The following CPNE8 variants were observed in gnomAD, a reference collection of about 807,000 sequenced individuals.
CPNE8 encodes copine-8.
Under a neutral mutation model 81.5 loss-of-function variants are expected in CPNE8, and 45 were observed. The ratio of observed to expected loss-of-function variants is 0.55; its 90% CI spans 0.44 to 0.71. CPNE8 has a LOEUF of 0.71. Ranked by LOEUF, CPNE8 falls within the 30% of genes least tolerant of loss-of-function variation. CPNE8 has a pLI of 0.00. For synonymous variants in CPNE8, 252 were observed against 226.3 expected, an observed-to-expected ratio of 1.11 and a Z score of -1.02; for missense variants, 594 against 672.1, an observed-to-expected ratio of 0.88 and a Z score of 1.28.
At chr12:38,699,578 C>T (rs572924537) in intron 14 of CPNE8, among the ~76,000 whole-genome samples, 2 of 150,904 alleles carry the variant, frequency 1.3e-5, no homozygotes, top group Non-Finnish European at 1.5e-5. Context: ...TCCTTCTTTC[C>T]TTCCTTCCTT....
At chr12:38,788,156 C>CA (rs1414497492) in intron 6 of CPNE8, among the ~76,000 whole-genome samples, 3 of 151,324 alleles carry the variant, frequency 2.0e-5, no homozygotes, top group East Asian at 3.9e-4. Flanking sequence ...AAAGACACAT[C>CA]AAAAAAAGAA....
At chr12:38,800,063 G>GGCA (rs1366154296) in intron 6 of CPNE8, among the ~76,000 whole-genome samples, 1 of 127,478 alleles carries the variant, frequency 7.8e-6, no homozygotes, top group Admixed American at 8.5e-5. Context: ...ACTGCAAGGC[G>GGCA]GCAACGAGGC....
intron 6 of CPNE8, among the ~76,000 whole-genome samples, chr12:38,777,795 C>A (rs1941966461): frequency 6.6e-6 from 1 of 152,174 alleles, no homozygotes; most frequent in Admixed American, 6.5e-5. Flanking sequence ...AACCCCAGGG[C>A]TGCAGAGCAC....
intron 1 of CPNE8, among the ~76,000 whole-genome samples, chr12:38,896,253 A>G (rs773238730): frequency 1.3e-5 from 2 of 152,108 alleles, no homozygotes; most frequent in African/African-American, 2.4e-5. Context: ...TTCCCTCAGA[A>G]GGTCTGCAAC....
At chr12:38,815,567 T>C (rs1943010975) in intron 6 of CPNE8, among the ~76,000 whole-genome samples, 1 of 152,202 alleles carries the variant, frequency 6.6e-6, no homozygotes, top group African/African-American at 2.4e-5. Flanking sequence ...TAACAACATG[T>C]CATTTCTAAG....
At chr12:38,871,745 G>T (rs774303941) in intron 3 of CPNE8, among the ~76,000 whole-genome samples, 2 of 152,126 alleles carry the variant, frequency 1.3e-5, no homozygotes, top group Non-Finnish European at 2.9e-5. Context: ...TATTTTGGCT[G>T]GTAGTTTTAG....
At chr12:38,805,449 G>T (rs1942772860) in intron 6 of CPNE8, among the ~76,000 whole-genome samples, 1 of 85,804 alleles carries the variant, frequency 1.2e-5, no homozygotes, top group Non-Finnish European at 2.4e-5. Flanking sequence ...CTCATAGGTG[G>T]GAATTGAACA....
At chr12:38,846,920 T>G (rs1400957494) in intron 4 of CPNE8, among the ~76,000 whole-genome samples, 1 of 152,112 alleles carries the variant, frequency 6.6e-6, no homozygotes, top group Non-Finnish European at 1.5e-5. Flanking sequence ...TTTTGAACAA[T>G]GGAAATTATA....
intron 6 of CPNE8, among the ~76,000 whole-genome samples, chr12:38,797,892 C>A (rs553492365): frequency 1.2e-4 from 18 of 152,108 alleles, no homozygotes; most frequent in African/African-American, 4.1e-4. Context: ...TCGAGAACTA[C>A]GTGAAGAATG....
At chr12:38,799,800 G>A (rs868034068) in intron 6 of CPNE8, among the ~76,000 whole-genome samples, 22 of 142,044 alleles carry the variant, frequency 1.5e-4, no homozygotes, top group South Asian at 4.7e-4. Flanking sequence ...GTGTGTGCGC[G>A]CACCGTGCGC....
At chr12:38,834,253 A>T (rs73084040) in intron 5 of CPNE8, among the ~76,000 whole-genome samples, 3 of 152,056 alleles carry the variant, frequency 2.0e-5, no homozygotes, top group Non-Finnish European at 2.9e-5. Flanking sequence ...ATGGTTAGTA[A>T]ATCTATATCT....
intron 11 of CPNE8, among the ~76,000 whole-genome samples, chr12:38,725,614 A>G (rs1393084410): frequency 6.6e-6 from 1 of 152,230 alleles, no homozygotes; most frequent in Non-Finnish European, 1.5e-5. Flanking sequence ...AAAAAAGATG[A>G]AATCGTTTAT....
intron 6 of CPNE8, among the ~76,000 whole-genome samples, chr12:38,807,616 G>T (rs1175253770): frequency 3.3e-5 from 5 of 151,658 alleles, no homozygotes; most frequent in African/African-American, 1.2e-4. Context: ...ATGGATTAAA[G>T]ACTTAAACGT....
intron 6 of CPNE8, among the ~76,000 whole-genome samples, chr12:38,792,686 C>T (rs1279165712): frequency 1.3e-5 from 2 of 151,670 alleles, no homozygotes; most frequent in African/African-American, 2.4e-5. Context: ...TCCTGAAACA[C>T]TTGTGAAAAA....
chr12:38,807,909 A>G (rs1174700987), intron 6 of CPNE8, among the ~76,000 whole-genome samples: 2 of 151,846 alleles, frequency 1.3e-5, no homozygotes, highest in Admixed American at 6.6e-5. Flanking sequence ...TTTACAAGAA[A>G]AAAACAAACA....
chr12:38,808,200 C>A (rs1330602688), intron 6 of CPNE8, among the ~76,000 whole-genome samples: 1 of 152,106 alleles, frequency 6.6e-6, no homozygotes, highest in Non-Finnish European at 1.5e-5. Context: ...CGTGGCTATT[C>A]CTCAGGGATC....
intron 10 of CPNE8, among the ~76,000 whole-genome samples, chr12:38,746,648 A>T (rs1400613115): frequency 1.3e-5 from 2 of 152,226 alleles, no homozygotes; most frequent in Non-Finnish European, 2.9e-5. Context: ...TGTTTTGAAT[A>T]TAACAGGAAC....
intron 6 of CPNE8, among the ~76,000 whole-genome samples, chr12:38,788,311 T>C (rs922901304): frequency 1.3e-5 from 2 of 151,836 alleles, no homozygotes; most frequent in Non-Finnish European, 2.9e-5. Flanking sequence ...GTTCGACATA[T>C]GCAAAACAAT....
chr12:38,684,702 A>C (rs1275608798), intron 16 of CPNE8, among the ~76,000 whole-genome samples: 1 of 152,178 alleles, frequency 6.6e-6, no homozygotes, highest in Non-Finnish European at 1.5e-5. Flanking sequence ...GGGGTTTCAC[A>C]TTGCCTTTGT....
Sources: gnomAD v4.1 joint callset for allele counts (sites outside exome capture counted in the v4.1 genomes callset) on GRCh38, gnomAD v4.1.1 for gene constraint, MANE v1.5 for transcripts, NCBI Gene and HGNC (gene_info 2026-07-23, HGNC 2026-07-21) for gene names.